CTNNA3: variants seen among roughly 807,000 people sequenced by gnomAD.
CTNNA3 encodes the protein catenin alpha 3, also known as catenin alpha-3.
In CTNNA3, 76 loss-of-function variants were observed where a neutral mutation model predicts 95.7. The ratio of observed to expected loss-of-function variants is 0.79; its 90% confidence interval spans 0.66 to 0.96. The LOEUF is 0.96. Ranked by LOEUF, CTNNA3 falls within the 40% of genes least tolerant of loss-of-function variation. The pLI is 0.00. For missense variants in CTNNA3, 1,191 were observed against 1,089.8 expected, an observed-to-expected ratio of 1.09 and a Z score of -1.31; for synonymous variants, 431 against 374.4, an observed-to-expected ratio of 1.15 and a Z score of -1.74.
intron 17 of CTNNA3, among the ~76,000 whole-genome samples, chr10:65,949,772 G>A (rs1020020816): frequency 1.3e-5 from 2 of 152,040 alleles, no homozygotes; most frequent in African/African-American, 4.8e-5. Flanking sequence ...CAGGGGTGGT[G>A]GTGCATAACC....
At chr10:67,165,412 G>A (rs537187486) in intron 7 of CTNNA3, among the ~76,000 whole-genome samples, 1 of 152,242 alleles carries the variant, frequency 6.6e-6, no homozygotes, top group East Asian at 1.9e-4. Flanking sequence ...GTAGCACAAG[G>A]GAGATATTTG....
At chr10:67,471,557 T>C (rs541556804) in intron 5 of CTNNA3, among the ~76,000 whole-genome samples, 2 of 152,368 alleles carry the variant, frequency 1.3e-5, no homozygotes, top group South Asian at 2.1e-4. Flanking sequence ...AACTTAATTC[T>C]GTTTAACTCT....
chr10:66,442,707 C>T (rs544107866), intron 11 of CTNNA3, among the ~76,000 whole-genome samples: 43 of 152,206 alleles, frequency 2.8e-4, no homozygotes, highest in South Asian at 1.7e-3. Context: ...GGAACAGCTC[C>T]GGTCTACAGC....
chr10:66,658,989 G>GT (rs939491878), intron 9 of CTNNA3, among the ~76,000 whole-genome samples: 3 of 152,056 alleles, frequency 2.0e-5, no homozygotes, highest in Middle Eastern at 3.4e-3. Flanking sequence ...ATACCCAGCA[G>GT]TTTTTTTCTT....
intron 7 of CTNNA3, among the ~76,000 whole-genome samples, chr10:66,837,220 C>G (rs1159586385): frequency 6.6e-6 from 1 of 152,108 alleles, no homozygotes; most frequent in East Asian, 1.9e-4. Flanking sequence ...AAAGTTTCAC[C>G]ACTACGAACA....
chr10:67,181,613 T>C (rs1862549785), intron 6 of CTNNA3, among the ~76,000 whole-genome samples: 1 of 152,106 alleles, frequency 6.6e-6, no homozygotes, highest in Non-Finnish European at 1.5e-5. Flanking sequence ...TATAAGATTA[T>C]AGATATGTAT....
intron 5 of CTNNA3, among the ~76,000 whole-genome samples, chr10:67,408,897 A>AAC (rs1845253783): frequency 6.6e-6 from 1 of 151,048 alleles, no homozygotes; most frequent in South Asian, 2.1e-4. Flanking sequence ...AAAAAAAAAA[A>AAC]AAAGCCATTA....
intron 11 of CTNNA3, among the ~76,000 whole-genome samples, chr10:66,423,221 T>C (rs1167769193): frequency 6.6e-6 from 1 of 152,156 alleles, no homozygotes; most frequent in Non-Finnish European, 1.5e-5. Flanking sequence ...TTGTTTTTCA[T>C]GATTTCCCAT....
At chr10:67,398,161 G>A (rs1302698240) in intron 5 of CTNNA3, among the ~76,000 whole-genome samples, 4 of 152,190 alleles carry the variant, frequency 2.6e-5, no homozygotes, top group Admixed American at 2.6e-4. Flanking sequence ...GCTTGTGGCT[G>A]GAAAAGCAGC....
chr10:66,602,516 A>G (rs951385191), intron 10 of CTNNA3, among the ~76,000 whole-genome samples: 3 of 151,876 alleles, frequency 2.0e-5, no homozygotes, highest in African/African-American at 4.8e-5. Flanking sequence ...TGAGTTCACT[A>G]TATAAAAACA....
chr10:66,832,502 A>C (rs964344023), intron 7 of CTNNA3, among the ~76,000 whole-genome samples: 38 of 152,172 alleles, frequency 2.5e-4, no homozygotes, highest in African/African-American at 8.9e-4. Context: ...CCATTTACTA[A>C]GCCAACAAAA....
At chr10:66,458,608 G>A (rs111394585) in intron 11 of CTNNA3, among the ~76,000 whole-genome samples, 45 of 152,176 alleles carry the variant, frequency 3.0e-4, no homozygotes, top group African/African-American at 9.4e-4. Flanking sequence ...AGATCCTGGT[G>A]ACCACTATTC....
At chr10:66,569,605 T>C (rs1165491752) in intron 10 of CTNNA3, among the ~76,000 whole-genome samples, 1 of 152,174 alleles carries the variant, frequency 6.6e-6, no homozygotes, top group East Asian at 1.9e-4. Flanking sequence ...ACATTATTAT[T>C]CTCAGAACAT....
Position 65,914,483 on chromosome 10 carries a change from A to G in CTNNA3, c.*5847T>C, listed in dbSNP as rs2076983100. On this transcript the variant is annotated 3_prime_UTR_variant, in exon 18 of 18. Transcript: ENST00000433211. ...CATGTAATTTTAAAACACAAAGTTT[A>G]CCTGTATTCAGGCACATACTATGCA... 2.0e-5 allele frequency: 3 copies of G among 152,178 alleles called. No homozygotes were observed. Among genetic ancestry groups the G allele is most frequent in the Admixed American group, 1.3e-4 (2 of 15,266 alleles). The allele number at this position is 152,178 out of a possible 1,614,324, so 9.4% of individuals were successfully genotyped here. A position where few individuals can be genotyped will look rare whatever the true frequency, so the allele number is the denominator to read the frequency against.
chr10:66,213,561 C>T (rs546247940), intron 13 of CTNNA3, among the ~76,000 whole-genome samples: 1 of 152,136 alleles, frequency 6.6e-6, no homozygotes, highest in South Asian at 2.1e-4. Context: ...TCTTATAATA[C>T]AGTATGAGCT....
chr10:67,731,568 C>T lies in CTNNA3; in HGVS notation c.-2+31866G>A, dbSNP rs903181593. On this transcript the variant is annotated intron_variant, in intron 1 of 17. Coordinates refer to the CTNNA3 transcript ENST00000684154. ...CTGTAATCCCAGCACTTTGGGAGGC[C>T]GAGGCAGGCGGATCATGAGGTCAGG... Among the ~76,000 whole-genome samples the T allele has an allele frequency of 9.9e-5, 15 of 151,392 alleles. No individual in the cohort carries two copies. The South Asian group carries it at 1.5e-3, about 15-fold the overall frequency.
intron 7 of CTNNA3, among the ~76,000 whole-genome samples, chr10:67,169,175 A>G (rs1160656646): frequency 6.6e-6 from 1 of 152,244 alleles, no homozygotes; most frequent in Non-Finnish European, 1.5e-5. Context: ...ATGCTCATAG[A>G]TAGGAAGAAT....
chr10:67,315,286 A>G (rs1047113540), intron 5 of CTNNA3, among the ~76,000 whole-genome samples: 12 of 152,156 alleles, frequency 7.9e-5, no homozygotes, highest in Admixed American at 7.2e-4. Context: ...ACCCCAAAAT[A>G]TTACCATTGA....
intron 2 of CTNNA3, among the ~76,000 whole-genome samples, chr10:67,639,924 G>C (rs1281588401): frequency 2.6e-5 from 4 of 152,150 alleles, no homozygotes; most frequent in Non-Finnish European, 5.9e-5. Context: ...AAAACTGGAA[G>C]AATTCCATTT....
Sources: allele counts gnomAD v4.1 joint callset (sites outside exome capture counted in the v4.1 genomes callset), GRCh38; gene constraint gnomAD v4.1.1; transcripts MANE v1.5; gene names NCBI Gene and HGNC (gene_info 2026-07-23, HGNC 2026-07-21).